HIVEP1: variants seen among roughly 807,000 people sequenced by gnomAD.
The protein encoded by HIVEP1 is zinc finger protein 40.
Under a neutral mutation model 180.0 loss-of-function variants are expected in HIVEP1, and 36 were observed. The observed-to-expected ratio is 0.20, with a 90% CI of 0.15 to 0.26. HIVEP1 has a LOEUF of 0.26. HIVEP1 is among the 10% of genes least tolerant of loss of function. HIVEP1 has a pLI of 1.00. For missense variants in HIVEP1, 3,143 were observed against 3,268.7 expected, an observed-to-expected ratio of 0.96 and a Z score of 0.94; for synonymous variants, 1,239 against 1,239.0, an observed-to-expected ratio of 1.00 and a Z score of 0.00.
chr6:12,145,896 G>GA (rs1400598901), intron 7 of HIVEP1, among the ~76,000 whole-genome samples: 2 of 152,000 alleles, frequency 1.3e-5, no homozygotes, highest in Admixed American at 6.6e-5. Flanking sequence ...TGAATTACTA[G>GA]AAAAAAATCT....
At chr6:12,087,202 AG>A (rs1400431374) in intron 2 of HIVEP1, among the ~76,000 whole-genome samples, 1 of 152,146 alleles carries the variant, frequency 6.6e-6, no homozygotes, top group Non-Finnish European at 1.5e-5. Flanking sequence ...AGCAGAGACT[AG>A]TATTTTGTAA....
intron 2 of HIVEP1, among the ~76,000 whole-genome samples, chr6:12,080,204 C>T (rs539038992): frequency 2.6e-5 from 4 of 152,224 alleles, no homozygotes; most frequent in South Asian, 2.1e-4. Context: ...ACTTTTAGCT[C>T]GGCCCCTCAC....
Position 12,123,118 on chromosome 6 carries a change from T to C in HIVEP1, c.3323T>C (p.Leu1108Pro). Residue 1108 changes from leucine to proline, a missense_variant, in exon 4 of 9, where the codon CTG (leucine) becomes CCG (proline). By Grantham distance (98) the Leu-to-Pro change is moderately conservative (BLOSUM62 -3). Transcript: ENST00000379388. The stretch of plus-strand genomic sequence containing the variant: ...CCTGAGCAGACCATGGATCCCAAGC[T>C]GTCGACCATCATGGAACAACAGATA... The part of the protein sequence containing the change: ...RGPEQTMDPK[L>P]STIMEQQISS... The C allele has an allele frequency of 6.2e-7, 1 of 1,614,174 alleles. No homozygotes were observed. Among genetic ancestry groups the C allele is most frequent in the Non-Finnish European group, 8.5e-7 (1 of 1,180,022 alleles).
At chr6:12,024,748 G>A (rs571215180) in intron 2 of HIVEP1, among the ~76,000 whole-genome samples, 34 of 152,300 alleles carry the variant, frequency 2.2e-4, no homozygotes, top group African/African-American at 7.9e-4. Flanking sequence ...AATAAACTGG[G>A]CTGATACACA....
the HIVEP1 span, among the ~76,000 whole-genome samples, chr6:12,170,256 C>G: frequency 6.6e-6 from 1 of 151,584 alleles, no homozygotes; most frequent in African/African-American, 2.4e-5. Flanking sequence ...AAGGTACCAC[C>G]GAGTCCAGCA....
intron 3 of HIVEP1, among the ~76,000 whole-genome samples, chr6:12,103,041 G>A (rs193227724): frequency 2.1e-3 from 320 of 151,416 alleles, no homozygotes; most frequent in African/African-American, 7.3e-3. Context: ...TTATGAGAAG[G>A]GTATTAAACA....
At chr6:12,071,863 T>C (rs184974721) in intron 2 of HIVEP1, among the ~76,000 whole-genome samples, 39 of 152,320 alleles carry the variant, frequency 2.6e-4, no homozygotes, top group Non-Finnish European at 4.1e-4. Flanking sequence ...TGTAATCTGT[T>C]TTATTTATAC....
intron 2 of HIVEP1, among the ~76,000 whole-genome samples, chr6:12,067,301 A>C (rs1771662195): frequency 1.3e-5 from 2 of 152,176 alleles, no homozygotes; most frequent in Admixed American, 1.3e-4. Context: ...TATCATTTAC[A>C]TTTAAAATTG....
chr6:12,120,655 A>G lies in HIVEP1; in HGVS notation c.860A>G (p.His287Arg), dbSNP rs758033777. ...TCAGCTTCTCATTTGTATCATCAAC[A>G]TGAACACTTTGTTCCCAAATCCAAC... is the stretch of plus-strand genomic sequence containing the variant. The part of the protein sequence containing the change: ...MQSASHLYHQ[H>R]EHFVPKSNQH... The change falls in exon 4 of 9, where the codon CAT becomes CGT. Residue 287 changes from histidine to arginine, a missense_variant. Around this residue, in one of 12 missense-constraint regions of HIVEP1, gnomAD observed 306 missense variants for 310.6 expected, o/e 0.99. Coordinates refer to ENST00000379388, the MANE Select transcript of HIVEP1 (RefSeq NM_002114.4). 12 of 1,614,222 alleles carry G rather than the reference A, an allele frequency of 7.4e-6. No individual in the cohort carries two copies. The highest frequency in any genetic ancestry group is 1.1e-5 in the South Asian group (1 of 91,084).
the HIVEP1 span, among the ~76,000 whole-genome samples, chr6:12,186,671 C>CA: frequency 6.6e-6 from 1 of 151,818 alleles, no homozygotes; most frequent in East Asian, 1.9e-4. Flanking sequence ...AGAAAGGCAA[C>CA]AAAATCCAAA....
intron 7 of HIVEP1, among the ~76,000 whole-genome samples, chr6:12,146,316 G>A (rs1248113096): frequency 2.0e-5 from 3 of 152,104 alleles, no homozygotes; most frequent in Non-Finnish European, 4.4e-5. Context: ...GATGGCGCAT[G>A]CCTGTAATCC....
intron 3 of HIVEP1, among the ~76,000 whole-genome samples, chr6:12,113,817 A>AG (rs1460083285): frequency 1.3e-5 from 2 of 152,162 alleles, no homozygotes; most frequent in Non-Finnish European, 2.9e-5. Context: ...TGTAGGCTTT[A>AG]GTCAGATGTG....
the HIVEP1 span, among the ~76,000 whole-genome samples, chr6:12,200,732 G>C: frequency 2.0e-5 from 3 of 152,192 alleles, no homozygotes; most frequent in Non-Finnish European, 2.9e-5. Context: ...GGAATAAACA[G>C]GTAGCTTCAA....
intron 3 of HIVEP1, among the ~76,000 whole-genome samples, chr6:12,090,778 G>A (rs9394528): frequency 8.3e-6 from 1 of 120,110 alleles, no homozygotes; most frequent in Non-Finnish European, 1.6e-5. Flanking sequence ...TCATGGTTTA[G>A]AGCTGCTTCT....
chr6:12,156,042 A>G (rs1760016683), intron 7 of HIVEP1, among the ~76,000 whole-genome samples: 2 of 152,108 alleles, frequency 1.3e-5, no homozygotes, highest in Admixed American at 6.5e-5. Flanking sequence ...GGCTGCATGT[A>G]TGTGTTCTTT....
At position 12,164,375 on chromosome 6, in the gene HIVEP1, A is replaced by G; in HGVS notation, c.8071A>G (p.Thr2691Ala). The change falls in exon 9 of 9, where the codon ACA (threonine) becomes GCA (alanine). Residue 2691 changes from threonine to alanine, a missense_variant. Around this residue, in one of 12 missense-constraint regions of HIVEP1, gnomAD observed 595 missense variants for 602.2 expected, o/e 0.99. Transcript: ENST00000379388. ...TCCAGACAGACAGGTTCCCAGGCCCACAGCACTACCGCGGAGGCAGCCCAC... is the reference window on the plus strand; with the variant it reads ...TCCAGACAGACAGGTTCCCAGGCCCGCAGCACTACCGCGGAGGCAGCCCAC... ...LSPDRQVPRP[T>A]ALPRRQPTVH... 6.2e-7 allele frequency: 1 copy of G among 1,614,170 alleles called. No individual in the cohort carries two copies. Among genetic ancestry groups the G allele is most frequent in the Non-Finnish European group, 8.5e-7 (1 of 1,180,030 alleles).
rs1417639637 is a variant in HIVEP1, at chr6:12,125,121, G to C, written c.5326G>C (p.Asp1776His). 6.2e-7 allele frequency: 1 copy of C among 1,613,472 alleles called. No homozygotes were observed. Among genetic ancestry groups the C allele is most frequent in the African/African-American group, 1.3e-5 (1 of 74,890 alleles). The change falls in exon 4 of 9, where the codon GAC becomes CAC. Residue 1776 changes from aspartate to histidine, a missense_variant. Asp to His is a moderately conservative substitution (Grantham distance 81). Transcript: ENST00000379388. Reference protein sequence around the residue: ...KDENGAVCATDVRPLEALSSR... With the variant: ...KDENGAVCATHVRPLEALSSR... Reference sequence around the variant, plus strand: ...TGAAAATGGAGCTGTTTGTGCAACAGACGTGAGACCTTTAGAGGCTTTGAG... The same window carrying C: ...TGAAAATGGAGCTGTTTGTGCAACACACGTGAGACCTTTAGAGGCTTTGAG...
intron 2 of HIVEP1, among the ~76,000 whole-genome samples, chr6:12,078,813 G>T (rs778418360): frequency 5.1e-4 from 77 of 151,892 alleles, no homozygotes; most frequent in Non-Finnish European, 9.7e-4. Flanking sequence ...AAAAGCTGGA[G>T]GAGCATGCCA....
At chr6:12,100,919 C>G (rs1261579162) in intron 3 of HIVEP1, among the ~76,000 whole-genome samples, 1 of 152,142 alleles carries the variant, frequency 6.6e-6, no homozygotes, top group Non-Finnish European at 1.5e-5. Context: ...AAAAAAACAT[C>G]AGAAATCCAA....
Sources: allele counts gnomAD v4.1 joint callset (sites outside exome capture counted in the v4.1 genomes callset), GRCh38; gene constraint gnomAD v4.1.1; regional missense constraint gnomAD v4.1.1; transcripts MANE v1.5; gene names NCBI Gene and HGNC (gene_info 2026-07-23, HGNC 2026-07-21).